CHD1: variants seen among roughly 807,000 people sequenced by gnomAD.
CHD1 encodes chromodomain helicase DNA binding protein 1, also known as ATP-dependent chromatin remodeler CHD1.
A neutral mutation model predicts 224.2 loss-of-function variants in CHD1; 36 were observed. The observed-to-expected ratio is 0.16, with a 90% CI of 0.12 to 0.21. The LOEUF (loss-of-function observed/expected upper bound fraction) is 0.21. Among genes scored for constraint, CHD1 ranks in the 10% least tolerant of loss-of-function variants. The pLI, the probability that CHD1 is intolerant of heterozygous loss-of-function variation, is 1.00. For synonymous variants in CHD1, 668 were observed against 658.3 expected, an observed-to-expected ratio of 1.01 and a Z score of -0.23; for missense variants, 1,378 against 1,994.8, an observed-to-expected ratio of 0.69 and a Z score of 5.89.
intron 20 of CHD1, among the ~76,000 whole-genome samples, chr5:98,881,595 C>T (rs912387162): frequency 3.9e-5 from 6 of 151,910 alleles, no homozygotes; most frequent in South Asian, 2.1e-4. Flanking sequence ...CTGCAACCTC[C>T]GCCTCCCGGG....
chr5:98,868,258 T>C (rs1221366017), intron 31 of CHD1, among the ~76,000 whole-genome samples: 4 of 150,092 alleles, frequency 2.7e-5, no homozygotes, highest in Non-Finnish European at 4.4e-5. Context: ...GCCCAGGAGG[T>C]TGAAGCCGCA....
intron 2 of CHD1, among the ~76,000 whole-genome samples, chr5:98,914,458 C>T (rs1018558960): frequency 1.3e-5 from 2 of 152,014 alleles, no homozygotes; most frequent in Admixed American, 6.6e-5. Flanking sequence ...AACTCACTTG[C>T]TCATCTCTTC....
intron 12 of CHD1, among the ~76,000 whole-genome samples, chr5:98,894,897 C>T (rs1751247283): frequency 6.6e-6 from 1 of 151,714 alleles, no homozygotes. Flanking sequence ...TCTCGGCTCA[C>T]CACAACCTCC....
intron 15 of CHD1, among the ~76,000 whole-genome samples, chr5:98,890,807 T>C (rs966180163): frequency 6.6e-6 from 1 of 152,212 alleles, no homozygotes; most frequent in Non-Finnish European, 1.5e-5. Flanking sequence ...AGGGAAGTAC[T>C]ATGCAAAATC....
chr5:98,872,266 A>G, intron 27 of CHD1, 65 bp from the exon 28 acceptor site: 1 of 1,534,530 alleles, frequency 6.5e-7, no homozygotes, highest in South Asian at 1.2e-5. Flanking sequence ...TTAATTTTGA[A>G]AAACGTGAGT....
Position 98,879,703 on chromosome 5 carries a change from T to C in CHD1, c.3086A>G (p.Glu1029Gly), listed in dbSNP as rs1215352802. ...TTCAGGTTCCAACTCAATGTCATCC[T>C]CATCCATATTTGAGAAGTTGGCAAC... ...FKVANFSNMD[E>G]DDIELEPERN... The change falls in exon 23 of 36, where the codon GAG (glutamate) becomes GGG (glycine). Residue 1029 changes from glutamate to glycine, a missense_variant. Around this residue, in one of 16 missense-constraint regions of CHD1, gnomAD observed 286 missense variants for 445.1 expected, o/e 0.64. Coordinates refer to ENST00000614616, the MANE Select transcript of CHD1 (RefSeq NM_001270.4). 3.1e-6 allele frequency: 5 copies of C among 1,599,726 alleles called. No homozygotes were observed. The highest frequency in any genetic ancestry group is 1.8e-5 in the Admixed American group (1 of 56,944).
intron 17 of CHD1, chr5:98,886,313 C>G (rs566738004): frequency 6.6e-6 from 1 of 152,308 alleles, no homozygotes; most frequent in South Asian, 2.1e-4. Context: ...TGACTTTTCT[C>G]CACAAACTTT....
chr5:98,869,522 G>C (rs779003916), intron 30 of CHD1: 6 of 436,174 alleles, frequency 1.4e-5, no homozygotes, highest in Non-Finnish European at 2.4e-5. Flanking sequence ...AAGGACCTTT[G>C]CTCTATGCCT....
At chr5:98,912,646 G>A (rs1022969775) in intron 2 of CHD1, among the ~76,000 whole-genome samples, 3 of 152,098 alleles carry the variant, frequency 2.0e-5, no homozygotes, top group Non-Finnish European at 4.4e-5. Flanking sequence ...ACTCCATCCC[G>A]AGCGACAAGG....
chr5:98,898,415 T>C lies in CHD1; in HGVS notation c.1206A>G (p.Ser402=). The C allele has an allele frequency of 8.9e-6, 14 of 1,575,252 alleles. No individual in the cohort carries two copies. Among genetic ancestry groups the C allele is most frequent in the Non-Finnish European group, 1.2e-5 (14 of 1,166,938 alleles). ...AGTAATAATCAGGATAACCAGCTGC[T>C]GACTTTTGATTGGAATGAGCTGTGA... ...ERIIAHSNQK[S]AAGYPDYYCK... The change falls in exon 10 of 36, where the codon TCA becomes TCG. Residue 402 remains serine, a synonymous_variant. Transcript: ENST00000614616.
intron 17 of CHD1, chr5:98,886,258 C>A (rs150515576): frequency 1.6e-4 from 24 of 152,312 alleles, no homozygotes; most frequent in African/African-American, 5.8e-4. Context: ...AGTCAACAGC[C>A]AGCAAATGAG....
At chr5:98,878,453 C>T (rs1417674567) in intron 23 of CHD1, among the ~76,000 whole-genome samples, 3 of 152,080 alleles carry the variant, frequency 2.0e-5, no homozygotes, top group Admixed American at 1.3e-4. Flanking sequence ...TAAGGAAGCA[C>T]GAAAAAACTC....
chr5:98,897,556 T>G (rs1376047633), intron 10 of CHD1, among the ~76,000 whole-genome samples: 1 of 152,130 alleles, frequency 6.6e-6, no homozygotes. Context: ...ATAGAGAAAA[T>G]TAACTTCCTG....
intron 13 of CHD1, among the ~76,000 whole-genome samples, chr5:98,894,181 G>A (rs1751201711): frequency 6.6e-6 from 1 of 152,154 alleles, no homozygotes; most frequent in African/African-American, 2.4e-5. Flanking sequence ...TAAAGTAGAT[G>A]GAGGAATTAA....
chr5:98,924,227 G>C (rs973822083), intron 2 of CHD1, among the ~76,000 whole-genome samples: 4 of 152,040 alleles, frequency 2.6e-5, no homozygotes, highest in Non-Finnish European at 5.9e-5. Context: ...CTCCAGCCTG[G>C]GTGACAGAGT....
intron 2 of CHD1, among the ~76,000 whole-genome samples, chr5:98,922,787 G>A (rs534849884): frequency 1.3e-5 from 2 of 152,064 alleles, no homozygotes; most frequent in Non-Finnish European, 2.9e-5. Flanking sequence ...TCAGGAGTTC[G>A]AGACCAGCCT....
chr5:98,905,167 GAAAGCCCCAAATCATT>G, intron 2 of CHD1, 69 bp from the exon 3 acceptor site: 3 of 1,579,882 alleles, frequency 1.9e-6, no homozygotes, highest in Non-Finnish European at 2.6e-6. Context: ...GACGTCAGCA[GAAAGCCCCAAATCATT>G]AAATTTTACT....
chr5:98,877,635 T>C (rs1749860784), intron 23 of CHD1, among the ~76,000 whole-genome samples: 1 of 152,354 alleles, frequency 6.6e-6, no homozygotes, highest in East Asian at 1.9e-4. Flanking sequence ...ACCTCTAATA[T>C]GCTGAAAGTT....
intron 2 of CHD1, among the ~76,000 whole-genome samples, chr5:98,924,709 C>T (rs1199638394): frequency 6.6e-6 from 1 of 152,182 alleles, no homozygotes; most frequent in African/African-American, 2.4e-5. Context: ...GGCGTGGTGG[C>T]TCATGCCTAT....
Sources: gnomAD v4.1 joint callset for allele counts (sites outside exome capture counted in the v4.1 genomes callset) on GRCh38, gnomAD v4.1.1 for gene constraint, gnomAD v4.1.1 regional missense constraint, MANE v1.5 for transcripts, NCBI Gene and HGNC (gene_info 2026-07-23, HGNC 2026-07-21) for gene names.